The following PSD2 variants were observed in gnomAD, a reference collection of about 807,000 sequenced individuals.
PSD2 encodes pleckstrin and Sec7 domain containing 2, also known as PH and SEC7 domain-containing protein 2.
A neutral mutation model predicts 69.8 loss-of-function variants in PSD2; 38 were observed. The ratio of observed to expected loss-of-function variants is 0.54; its 90% CI spans 0.42 to 0.71. The LOEUF is 0.71. Ranked by LOEUF, PSD2 falls within the 30% of genes least tolerant of loss-of-function variation. PSD2 has a pLI of 0.00. For missense variants in PSD2, 943 were observed against 1,014.5 expected (o/e 0.93, Z 0.96); for synonymous variants, 412 against 423.0 (o/e 0.97, Z 0.32).
rs552757034 is a variant in PSD2, at chr5:139,836,888, G to A, written c.1481G>A (p.Arg494Gln). The change falls in exon 10 of 15, where the codon CGA (arginine) becomes CAA (glutamine). Residue 494 changes from arginine (R) to glutamine (Q), a missense_variant. Arg to Gln is a conservative substitution (Grantham distance 43). This residue lies in a region of PSD2 where 312 missense variants were observed against 400.7 expected (regional missense o/e 0.78). Coordinates refer to ENST00000274710, the MANE Select transcript of PSD2 (RefSeq NM_032289.4). ...GGGACAGGCACGAAGAAGGTGACGC[G>A]AATCCTGGATGGTGGCAACCCCTTC... ...KFGTGTKKVT[R>Q]ILDGGNPFLD... 30 of 1,614,176 alleles carry A rather than the reference G, an allele frequency of 1.9e-5. No homozygotes were observed. The highest frequency in any genetic ancestry group is 8.3e-5 in the Admixed American group (5 of 60,028).
At chr5:139,770,116 G>T in the PSD2 span, among the ~76,000 whole-genome samples, 1 of 152,188 alleles carries the variant, frequency 6.6e-6, no homozygotes, top group East Asian at 1.9e-4. Flanking sequence ...CACCACATGT[G>T]GGGGCTCAGC....
chr5:139,803,420 G>GT (rs1165977381), intron 1 of PSD2, among the ~76,000 whole-genome samples: 2 of 152,240 alleles, frequency 1.3e-5, no homozygotes, highest in Admixed American at 1.3e-4. Flanking sequence ...CCCCCAGAAG[G>GT]TTTTGGGAGG....
chr5:139,801,163 C>T (rs1014327067), intron 1 of PSD2, among the ~76,000 whole-genome samples: 5 of 151,440 alleles, frequency 3.3e-5, no homozygotes, highest in African/African-American at 1.2e-4. Context: ...TGAGATTGCG[C>T]CACTGCACTC....
At chr5:139,751,551 C>A in the PSD2 span, among the ~76,000 whole-genome samples, 1 of 152,216 alleles carries the variant, frequency 6.6e-6, no homozygotes, top group Non-Finnish European at 1.5e-5. Flanking sequence ...TAGACAAACC[C>A]AGGTTCAGAC....
intron 1 of PSD2, among the ~76,000 whole-genome samples, chr5:139,797,132 C>T (rs899586799): frequency 6.6e-6 from 1 of 152,232 alleles, no homozygotes; most frequent in African/African-American, 2.4e-5. Context: ...ACTTTAGGAA[C>T]CTGTCTCCCA....
In PSD2 at chr5:139,839,022, G is replaced by A. The variant is rs1045374321; in HGVS notation, c.1968+250G>A. On this transcript the variant is annotated intron_variant, in intron 13 of 14. Transcript: ENST00000274710. The surrounding 1 kb of genome is among the most constrained non-coding windows in gnomAD (Gnocchi z 5.1). ...GCTGCCTCTATGCCAGTGCATCCCT[G>A]TGGATGTGACCGAGAGTTGGTGGCC... Among the ~76,000 whole-genome samples, 2 of 152,248 alleles carry A rather than the reference G, an allele frequency of 1.3e-5. No individual in the cohort carries two copies. The highest frequency in any genetic ancestry group is 4.8e-5 in the African/African-American group (2 of 41,468).
chr5:139,817,508 G>T lies in PSD2; in HGVS notation c.1044G>T (p.Gly348=). The T allele has an allele frequency of 6.2e-7, 1 of 1,614,166 alleles. No individual in the cohort carries two copies. Among genetic ancestry groups the T allele is most frequent in the Non-Finnish European group, 8.5e-7 (1 of 1,180,034 alleles). The part of the protein sequence containing the change: ...KNNEFSRLVA[G]EYLSFFDFSG... ...ACGAGTTTAGCAGGCTGGTGGCCGG[G>T]GAGTACCTCAGTTTCTTCGACTTCT... is the stretch of plus-strand genomic sequence containing the variant. Residue 348 remains glycine (G), a synonymous_variant, in exon 5 of 15, where the codon GGG becomes GGT. Coordinates refer to ENST00000274710, the MANE Select transcript of PSD2 (RefSeq NM_032289.4).
the PSD2 span, among the ~76,000 whole-genome samples, chr5:139,767,494 T>C: frequency 7.3e-3 from 1,112 of 152,200 alleles, 7 homozygotes; most frequent in South Asian, 0.022. Flanking sequence ...TTTGTATTTT[T>C]AGTAGAGACG....
In PSD2 at chr5:139,813,694, C is replaced by A. The variant is rs770197408; in HGVS notation, c.757C>A (p.Gln253Lys). The change falls in exon 3 of 15, where the codon CAG becomes AAG. Residue 253 changes from glutamine (Q) to lysine (K), a missense_variant. Around this residue, in one of 3 missense-constraint regions of PSD2, gnomAD observed 466 missense variants for 445.0 expected, o/e 1.05. Transcript: ENST00000274710. ...MPNGFHEDGP[Q>K]GPGGDEDDDE... The stretch of plus-strand genomic sequence containing the variant: ...CAATGGATTCCATGAAGATGGCCCT[C>A]AGGGCCCAGGGGGGGATGAGGATGA... 6.2e-7 allele frequency: 1 copy of A among 1,613,568 alleles called. No homozygotes were observed. Among genetic ancestry groups the A allele is most frequent in the South Asian group, 1.1e-5 (1 of 90,958 alleles).
At chr5:139,820,210 G>A (rs1489018004) in intron 5 of PSD2, among the ~76,000 whole-genome samples, 1 of 152,174 alleles carries the variant, frequency 6.6e-6, no homozygotes, top group Non-Finnish European at 1.5e-5. Context: ...GGGGCAGAGT[G>A]TCCAGGGAAG....
intron 1 of PSD2, 131 bp downstream of exon 1, chr5:139,796,106 G>C (rs1407827161): frequency 6.6e-6 from 1 of 152,104 alleles, no homozygotes; most frequent in Non-Finnish European, 1.5e-5. Context: ...ACCCGGGTCC[G>C]CTAACAAAGC....
the PSD2 span, among the ~76,000 whole-genome samples, chr5:139,774,704 C>A: frequency 6.6e-6 from 1 of 152,166 alleles, no homozygotes; most frequent in Non-Finnish European, 1.5e-5. Flanking sequence ...GTTGGTCAGG[C>A]TGGTCTGGAA....
intron 7 of PSD2, among the ~76,000 whole-genome samples, chr5:139,830,835 T>A (rs2126960698): frequency 6.9e-6 from 1 of 144,462 alleles, no homozygotes; most frequent in African/African-American, 2.6e-5. Flanking sequence ...TTTTTTTTTT[T>A]TTTTTTTTTT....
At chr5:139,792,500 C>T (rs1759431274), upstream of PSD2, among the ~76,000 whole-genome samples, 1 of 152,112 alleles carries the variant, frequency 6.6e-6, no homozygotes. Context: ...GGAAAAGGCC[C>T]CTCCATGTGC....
In PSD2 at chr5:139,795,969, A is replaced by T. The variant is rs935818752; in HGVS notation, c.-57A>T. The T allele has an allele frequency of 8.0e-5, 12 of 150,826 alleles. No homozygotes were observed. Among genetic ancestry groups the T allele is most frequent in the African/African-American group, 2.9e-4 (12 of 41,274 alleles). The allele number at this position is 150,826 out of a possible 1,614,324, so 9.3% of individuals were successfully genotyped here. ...AGAGGCCGGACCCGCGGCGGGGACC[A>T]GCAGCGGTGAGTGGGGCCGCGGGGC... On this transcript the variant is annotated 5_prime_UTR_variant, in exon 1 of 15. Transcript: ENST00000274710. This position sits in a 1 kb window ranked among gnomAD's most constrained non-coding sequence, Gnocchi z 4.5.
chr5:139,768,691 C>T, the PSD2 span, among the ~76,000 whole-genome samples: 3 of 151,504 alleles, frequency 2.0e-5, no homozygotes, highest in Non-Finnish European at 4.4e-5. Context: ...CCATTGCACT[C>T]CAGCCTGGGC....
Position 139,814,072 on chromosome 5 carries a change from A to T in PSD2, c.822-98A>T. 8.6e-7 allele frequency: 1 copy of T among 1,158,114 alleles called. No homozygotes were observed. The highest frequency in any genetic ancestry group is 1.3e-6 in the Non-Finnish European group (1 of 795,818). The allele number at this position is 1,158,114 out of a possible 1,614,324, so 71.7% of individuals were successfully genotyped here. A position where few individuals can be genotyped will look rare whatever the true frequency, so the allele number is the denominator to read the frequency against. On this transcript the variant is annotated intron_variant, in intron 3 of 14. Coordinates refer to ENST00000274710, the MANE Select transcript of PSD2 (RefSeq NM_032289.4). The surrounding 1 kb of genome is among the most constrained non-coding windows in gnomAD (Gnocchi z 4.4). ...AGCTTCTTTCCCTGTTCTGGCCCCT[A>T]CATGGTTTGCAGTGGCCTGGGGAAA...
chr5:139,781,536 T>C, the PSD2 span, among the ~76,000 whole-genome samples: 1 of 151,796 alleles, frequency 6.6e-6, no homozygotes, highest in Non-Finnish European at 1.5e-5. Flanking sequence ...GGGGTTTCAC[T>C]GTGTTAGCCA....
chr5:139,752,581 A>G, the PSD2 span, among the ~76,000 whole-genome samples: 2 of 152,186 alleles, frequency 1.3e-5, no homozygotes, highest in African/African-American at 4.8e-5. Context: ...AGGACATTGG[A>G]GCATATTGCA....
Sources: allele counts gnomAD v4.1 joint callset (sites outside exome capture counted in the v4.1 genomes callset), GRCh38; gene constraint gnomAD v4.1.1; regional missense constraint gnomAD v4.1.1; non-coding constraint Gnocchi (gnomAD v3.1); transcripts MANE v1.5; gene names NCBI Gene and HGNC (gene_info 2026-07-23, HGNC 2026-07-21).